SPEF2: variants seen among roughly 807,000 people sequenced by gnomAD.
SPEF2 encodes sperm flagella and cilia-associated protein 2.
A neutral mutation model predicts 224.6 loss-of-function variants in SPEF2; 187 were observed. The ratio of observed to expected loss-of-function variants is 0.83; its 90% CI spans 0.74 to 0.94. The LOEUF is 0.94. Ranked by LOEUF, SPEF2 falls within the 40% of genes least tolerant of loss-of-function variation. The pLI is 0.00. For missense variants in SPEF2, 2,170 were observed against 2,135.6 expected, an observed-to-expected ratio of 1.02 and a Z score of -0.32; for synonymous variants, 715 against 707.3, an observed-to-expected ratio of 1.01 and a Z score of -0.17.
chr5:35,757,817 C>T (rs1017539191), intron 24 of SPEF2, among the ~76,000 whole-genome samples: 1 of 151,984 alleles, frequency 6.6e-6, no homozygotes, highest in African/African-American at 2.4e-5. Context: ...GTTTAAAATC[C>T]AAGGAGACTA....
At chr5:35,687,370 T>C (rs1470215635) in intron 10 of SPEF2, among the ~76,000 whole-genome samples, 2 of 152,204 alleles carry the variant, frequency 1.3e-5, no homozygotes, top group African/African-American at 4.8e-5. Context: ...AAAAGTGCTT[T>C]CGTAACTTAC....
chr5:35,759,730 C>A lies in SPEF2; in HGVS notation c.3620+11C>A. ...TGAAAGCCAGCTTAGGTAAGGCAGGCTATTATATCACACTGTAATTGTTTT... is the reference window on the plus strand; with the variant it reads ...TGAAAGCCAGCTTAGGTAAGGCAGGATATTATATCACACTGTAATTGTTTT... On this transcript the variant is annotated intron_variant, in intron 25 of 36. Transcript: ENST00000356031. 1 of 1,550,534 alleles carries A rather than the reference C, an allele frequency of 6.4e-7. No individual in the cohort carries two copies. The highest frequency in any genetic ancestry group is 1.2e-5 in the South Asian group (1 of 81,744).
intron 1 of SPEF2, among the ~76,000 whole-genome samples, chr5:35,621,652 A>G (rs1373080575): frequency 6.6e-6 from 1 of 152,198 alleles, no homozygotes; most frequent in Non-Finnish European, 1.5e-5. Flanking sequence ...TAGATGGTTA[A>G]GTGGCAAAAT....
At chr5:35,733,062 C>A (rs181824045) in intron 21 of SPEF2, among the ~76,000 whole-genome samples, 1 of 152,080 alleles carries the variant, frequency 6.6e-6, no homozygotes, top group Non-Finnish European at 1.5e-5. Flanking sequence ...CCCCCCCTGA[C>A]AAATGGAATT....
intron 33 of SPEF2, among the ~76,000 whole-genome samples, chr5:35,797,332 G>C (rs200069215): frequency 0.24 from 35,758 of 149,218 alleles, 4,882 homozygotes; most frequent in Middle Eastern, 0.31. Flanking sequence ...GTGTGTGTGT[G>C]TGTGTGTGTG....
intron 5 of SPEF2, 112 bp downstream of exon 5, chr5:35,646,919 C>G: frequency 2.6e-6 from 3 of 1,147,638 alleles, no homozygotes. Flanking sequence ...TCCAAATTAT[C>G]TCTGACCTTG....
In SPEF2 at chr5:35,674,117, T is replaced by A. The variant is rs537593660; in HGVS notation, c.1524+3890T>A. Among the ~76,000 whole-genome samples, 5 of 152,282 alleles carry A rather than the reference T, an allele frequency of 3.3e-5. No homozygotes were observed. The East Asian group carries it at 9.7e-4, about 29-fold the overall frequency. On this transcript the variant is annotated intron_variant, in intron 10 of 36. Coordinates refer to ENST00000356031, the MANE Select transcript of SPEF2 (RefSeq NM_024867.4). ...TTACATTTAAAACATATACATTGCA[T>A]TGATCAGCTCAGGCTGCTATAATAA...
chr5:35,718,601 A>G (rs1256562347), intron 20 of SPEF2, among the ~76,000 whole-genome samples: 1 of 152,174 alleles, frequency 6.6e-6, no homozygotes. Context: ...GCACCCATGA[A>G]GCAGGGAGGG....
chr5:35,726,685 G>A (rs1388325502), intron 20 of SPEF2, among the ~76,000 whole-genome samples: 1 of 152,104 alleles, frequency 6.6e-6, no homozygotes, highest in Non-Finnish European at 1.5e-5. Context: ...GATATATTTT[G>A]GAGGAAGAAA....
At chr5:35,714,557 C>T (rs1462647178) in intron 20 of SPEF2, among the ~76,000 whole-genome samples, 2 of 151,562 alleles carry the variant, frequency 1.3e-5, no homozygotes, top group Admixed American at 6.6e-5. Context: ...ACCTGACATT[C>T]GTATTTGGTA....
At chr5:35,795,327 A>G (rs1405442896) in intron 32 of SPEF2, among the ~76,000 whole-genome samples, 3 of 152,216 alleles carry the variant, frequency 2.0e-5, no homozygotes, top group Non-Finnish European at 4.4e-5. Context: ...TAATGGGGGC[A>G]CAGACTCCTC....
intron 31 of SPEF2, 73 bp from the exon 32 acceptor site, chr5:35,793,086 G>A: frequency 7.2e-7 from 1 of 1,383,522 alleles, no homozygotes; most frequent in Non-Finnish European, 9.9e-7. Flanking sequence ...CTCTCACTAT[G>A]AAAATATGAG....
intron 24 of SPEF2, among the ~76,000 whole-genome samples, chr5:35,759,153 G>C (rs1750874562): frequency 6.6e-6 from 1 of 151,112 alleles, no homozygotes; most frequent in South Asian, 2.1e-4. Context: ...TGTATGTATA[G>C]TGTTTTTTGT....
chr5:35,770,994 C>T (rs1029608814), intron 26 of SPEF2, among the ~76,000 whole-genome samples: 2 of 152,040 alleles, frequency 1.3e-5, no homozygotes, highest in Non-Finnish European at 2.9e-5. Context: ...AATAGGAGCC[C>T]AGGATTCAAC....
In SPEF2 at chr5:35,694,309, GC is replaced by G; in HGVS notation, c.1922del (p.Ala641ValfsTer38). 6.2e-7 allele frequency: 1 copy of G among 1,613,540 alleles called. No individual in the cohort carries two copies. The highest frequency in any genetic ancestry group is 1.3e-5 in the African/African-American group (1 of 75,034). On this transcript the variant is annotated frameshift_variant, in exon 13 of 37. Coordinates refer to ENST00000356031, the MANE Select transcript of SPEF2 (RefSeq NM_024867.4). LOFTEE classifies it high-confidence loss of function. ...ESQDPQHVFS[A>X]GPVSDEVLPE... is the part of the protein sequence containing the mutation. Reference sequence around the variant, plus strand: ...AAAGGATCCACAACATGTATTTTCAGCTGGTCCAGTTTCAGATGAAGTATTA... The same window carrying G: ...AAAGGATCCACAACATGTATTTTCAGTGGTCCAGTTTCAGATGAAGTATTA...
chr5:35,795,863 C>T, intron 33 of SPEF2, 68 bp downstream of exon 33: 1 of 1,365,968 alleles, frequency 7.3e-7, no homozygotes, highest in South Asian at 1.2e-5. Context: ...TTTTCTTCCA[C>T]TTATGTAACT....
chr5:35,793,057 C>G (rs1756173080), intron 31 of SPEF2, 102 bp from the exon 32 acceptor site: 16 of 1,090,306 alleles, frequency 1.5e-5, no homozygotes, highest in Non-Finnish European at 2.1e-5. Context: ...GTGAAAAGTC[C>G]TACTTCTTTC....
In SPEF2 at chr5:35,759,437, CCTT is replaced by C. The variant is rs1213307025; in HGVS notation, c.3469-127_3469-125del. On this transcript the variant is annotated intron_variant, in intron 24 of 36. Transcript: ENST00000356031. ...TAGATATAGACTTGTAACTAATGTT[CCTT>C]CTTATTTCCAGAAAATTATTTTCAA... is the stretch of plus-strand genomic sequence containing the variant. 4.3e-5 allele frequency: 33 copies of C among 762,810 alleles called. No homozygotes were observed. The African/African-American group carries it at 5.3e-4, about 12-fold the overall frequency. The allele number at this position is 762,810 out of a possible 1,614,324, so 47.3% of individuals were successfully genotyped here.
In SPEF2 at chr5:35,646,780, A is replaced by T. The variant is rs371289561; in HGVS notation, c.699A>T (p.Lys233Asn). Residue 233 changes from lysine to asparagine, a missense_variant, in exon 5 of 37, where the codon AAA becomes AAT. Coordinates refer to ENST00000356031, the MANE Select transcript of SPEF2 (RefSeq NM_024867.4). ...CTTTGAAAGCACTCGAGGCCCAAAA[A>T]ATGATGAAAAAGAAAAAAGAGGCAG... ...NRTLKALEAQ[K>N]MMKKKKEAED... The T allele has an allele frequency of 6.5e-5, 105 of 1,613,820 alleles. No homozygotes were observed. The highest frequency in any genetic ancestry group is 8.1e-5 in the Non-Finnish European group (95 of 1,179,910).
Sources: allele counts gnomAD v4.1 joint callset (sites outside exome capture counted in the v4.1 genomes callset), GRCh38; gene constraint gnomAD v4.1.1; transcripts MANE v1.5; gene names NCBI Gene and HGNC (gene_info 2026-07-23, HGNC 2026-07-21).